Variants in ACOXL observed in about 807,000 individuals in gnomAD.
ACOXL encodes acyl-CoA oxidase like, also known as acyl-coenzyme A oxidase-like protein.
In ACOXL, 70 loss-of-function variants were observed where a neutral mutation model predicts 71.9. The observed-to-expected ratio is 0.97, with a 90% confidence interval of 0.80 to 1.19. The LOEUF (loss-of-function observed/expected upper bound fraction) is 1.19. Ranked by LOEUF, ACOXL falls within the 50% of genes most tolerant of loss-of-function variation. ACOXL has a pLI of 0.00. For synonymous variants in ACOXL, 253 were observed against 281.6 expected (o/e 0.90, Z 1.02); for missense variants, 703 against 736.3 (o/e 0.95, Z 0.52).
intron 12 of ACOXL, 139 bp from the exon 13 acceptor site, chr2:110,986,969 C>A: frequency 1.4e-6 from 1 of 704,616 alleles, no homozygotes; most frequent in Non-Finnish European, 2.4e-6. Flanking sequence ...AATAGAGACC[C>A]TTGTAAGAAT....
At chr2:110,822,007 G>A (rs1036915761) in intron 9 of ACOXL, among the ~76,000 whole-genome samples, 3 of 151,902 alleles carry the variant, frequency 2.0e-5, no homozygotes, top group South Asian at 2.1e-4. Context: ...GTATACATGC[G>A]GCTGTATACA....
At chr2:110,934,755 T>C (rs1294944969) in intron 12 of ACOXL, among the ~76,000 whole-genome samples, 4 of 152,108 alleles carry the variant, frequency 2.6e-5, no homozygotes, top group South Asian at 2.1e-4. Flanking sequence ...AAAGCTAGCA[T>C]GATCATTTCT....
At chr2:111,085,716 A>G (rs1015050699) in intron 16 of ACOXL, among the ~76,000 whole-genome samples, 1 of 152,122 alleles carries the variant, frequency 6.6e-6, no homozygotes, top group Non-Finnish European at 1.5e-5. Flanking sequence ...GAAGACAGGA[A>G]ATAACCAAAA....
intron 17 of ACOXL, among the ~76,000 whole-genome samples, chr2:111,107,203 G>A (rs180904581): frequency 1.3e-5 from 2 of 152,334 alleles, no homozygotes; most frequent in Non-Finnish European, 2.9e-5. Context: ...GTGTACGTCT[G>A]TTGGTGGTTC....
chr2:111,029,920 T>C (rs2065188076), intron 14 of ACOXL, among the ~76,000 whole-genome samples: 1 of 152,152 alleles, frequency 6.6e-6, no homozygotes, highest in Admixed American at 6.5e-5. Flanking sequence ...GCACAGGGCT[T>C]TCTGCAAAGT....
chr2:111,093,840 G>T, intron 17 of ACOXL: 1 of 249,378 alleles, frequency 4.0e-6, no homozygotes, highest in Non-Finnish European at 7.6e-6. Flanking sequence ...CTCCAGTTTG[G>T]ACTACAGAGT....
intron 10 of ACOXL, among the ~76,000 whole-genome samples, chr2:110,866,718 T>C (rs13035147): frequency 6.6e-6 from 1 of 152,146 alleles, no homozygotes; most frequent in Non-Finnish European, 1.5e-5. Flanking sequence ...TCCCTTTGTC[T>C]GTCTCTGTAT....
chr2:110,924,303 T>A (rs919741258), intron 11 of ACOXL, among the ~76,000 whole-genome samples: 4 of 152,188 alleles, frequency 2.6e-5, no homozygotes, highest in African/African-American at 9.7e-5. Context: ...TGTGGCAATG[T>A]CTTAAGATAA....
At chr2:110,768,047 G>A (rs910071096) in intron 1 of ACOXL, among the ~76,000 whole-genome samples, 1 of 151,920 alleles carries the variant, frequency 6.6e-6, no homozygotes, top group East Asian at 1.9e-4. Context: ...CAGGAGAATC[G>A]CTTGAACCCG....
chr2:110,954,345 CA>C (rs1488617461), intron 12 of ACOXL, among the ~76,000 whole-genome samples: 1 of 152,178 alleles, frequency 6.6e-6, no homozygotes, highest in Non-Finnish European at 1.5e-5. Flanking sequence ...TTATTGTCAT[CA>C]CTGATATATT....
Position 110,819,064 on chromosome 2 carries a change from C to T in ACOXL, c.753+13669C>T, listed in dbSNP as rs1559304052. Among the ~76,000 whole-genome samples the T allele has an allele frequency of 1.3e-5, 2 of 152,064 alleles. 1 individual carries two copies. The highest frequency in any genetic ancestry group is 2.9e-5 in the Non-Finnish European group (2 of 68,002). ...CAAATGAAGCCAGTCTGGAGATGATCTCCAGGACAGTCAAGGGTTTTGACA... is the reference window on the plus strand; with the variant it reads ...CAAATGAAGCCAGTCTGGAGATGATTTCCAGGACAGTCAAGGGTTTTGACA... On this transcript the variant is annotated intron_variant, in intron 9 of 17. Transcript: ENST00000439055.
At chr2:111,082,409 C>A (rs558285540) in intron 16 of ACOXL, among the ~76,000 whole-genome samples, 1 of 151,596 alleles carries the variant, frequency 6.6e-6, no homozygotes, top group South Asian at 2.1e-4. Context: ...ATGTGACCAA[C>A]AAACGTGAAA....
At chr2:110,810,834 T>A (rs1321164524) in intron 9 of ACOXL, among the ~76,000 whole-genome samples, 1 of 152,208 alleles carries the variant, frequency 6.6e-6, no homozygotes, top group Non-Finnish European at 1.5e-5. Flanking sequence ...AAAAGATGTT[T>A]AATTGACTCA....
chr2:110,922,156 T>A (rs137985171), intron 11 of ACOXL, among the ~76,000 whole-genome samples: 2 of 152,336 alleles, frequency 1.3e-5, no homozygotes, highest in African/African-American at 4.8e-5. Flanking sequence ...TAATTATGAA[T>A]TTGTTTATTT....
chr2:110,884,303 C>T (rs1697038572), intron 10 of ACOXL, among the ~76,000 whole-genome samples: 1 of 152,170 alleles, frequency 6.6e-6, no homozygotes, highest in Non-Finnish European at 1.5e-5. Flanking sequence ...TCTCTGAGTT[C>T]GTACTCCTCG....
At chr2:111,025,234 G>C (rs1456466931) in intron 14 of ACOXL, among the ~76,000 whole-genome samples, 1 of 152,172 alleles carries the variant, frequency 6.6e-6, no homozygotes, top group Non-Finnish European at 1.5e-5. Flanking sequence ...TTAAGCAGGT[G>C]GTAGATGTAC....
At chr2:111,041,698 G>A (rs960648645) in intron 15 of ACOXL, among the ~76,000 whole-genome samples, 3 of 152,226 alleles carry the variant, frequency 2.0e-5, no homozygotes, top group Admixed American at 6.5e-5. Context: ...AGGGGACAGC[G>A]TGCCACTGTC....
At chr2:110,930,598 T>A (rs2149330434) in intron 11 of ACOXL, among the ~76,000 whole-genome samples, 1 of 152,360 alleles carries the variant, frequency 6.6e-6, no homozygotes, top group East Asian at 1.9e-4. Flanking sequence ...AGGTGTGGAA[T>A]GATATGATTT....
chr2:110,997,035 A>G (rs2063427078), intron 14 of ACOXL, among the ~76,000 whole-genome samples: 1 of 152,246 alleles, frequency 6.6e-6, no homozygotes, highest in African/African-American at 2.4e-5. Context: ...ATCACTCCAC[A>G]TATCCTCCAC....
Sources: allele counts gnomAD v4.1 joint callset (sites outside exome capture counted in the v4.1 genomes callset), GRCh38; gene constraint gnomAD v4.1.1; transcripts MANE v1.5; gene names NCBI Gene and HGNC (gene_info 2026-07-23, HGNC 2026-07-21).